Variants in RGS17 observed in about 807,000 individuals in gnomAD.
RGS17 encodes the protein regulator of G protein signaling 17.
In RGS17, 12 loss-of-function variants were observed where a neutral mutation model predicts 25.5. That is an observed-to-expected ratio of 0.47 (90% CI 0.30 to 0.76). The LOEUF (loss-of-function observed/expected upper bound fraction) is 0.76. Among genes scored for constraint, RGS17 ranks in the 30% least tolerant of loss-of-function variants. The pLI is 0.07. For missense variants in RGS17, 196 were observed against 242.2 expected, an observed-to-expected ratio of 0.81 and a Z score of 1.27; for synonymous variants, 71 against 76.9, an observed-to-expected ratio of 0.92 and a Z score of 0.40.
intron 1 of RGS17, among the ~76,000 whole-genome samples, chr6:153,088,648 G>T (rs930107625): frequency 6.6e-6 from 1 of 152,008 alleles, no homozygotes; most frequent in Non-Finnish European, 1.5e-5. Flanking sequence ...TCTTCAGCTT[G>T]TTGGCATCTC....
rs527343855 is a variant in RGS17 at position 153,122,632 on chromosome 6, TTTTG to T, written c.-26+8488_-26+8491del. On this transcript the variant is annotated intron_variant, in intron 1 of 4. Coordinates refer to ENST00000206262, the MANE Select transcript of RGS17 (RefSeq NM_012419.5). ...CAGAAGAAAATAAGACAGTAGGGTT[TTTTG>T]TTTGTTTGTTTTTTCCTGGCAGATA... Among the ~76,000 whole-genome samples, 44 of 152,128 alleles carry T rather than the reference TTTTG, an allele frequency of 2.9e-4. No individual in the cohort carries two copies. In the South Asian group the frequency reaches 7.7e-3, roughly 27 times the overall value.
At chr6:153,026,581 A>G (rs2129107186) in intron 2 of RGS17, 38 bp from the exon 3 acceptor site, 2 of 1,494,858 alleles carry the variant, frequency 1.3e-6, no homozygotes, top group Non-Finnish European at 1.9e-6. Flanking sequence ...GTCAAGGGAA[A>G]TTCAATCAGT....
chr6:153,128,109 A>G (rs1197527712), intron 1 of RGS17, among the ~76,000 whole-genome samples: 1 of 152,204 alleles, frequency 6.6e-6, no homozygotes, highest in Non-Finnish European at 1.5e-5. Context: ...GGCTACCTAT[A>G]GCAAAGGATT....
At chr6:153,062,204 C>T (rs750963297) in intron 1 of RGS17, among the ~76,000 whole-genome samples, 7 of 148,600 alleles carry the variant, frequency 4.7e-5, no homozygotes, top group Non-Finnish European at 4.4e-5. Flanking sequence ...GTTTTAATAT[C>T]ATGTCACTGA....
intron 1 of RGS17, among the ~76,000 whole-genome samples, chr6:153,051,776 A>C (rs924000293): frequency 1.3e-5 from 2 of 152,190 alleles, no homozygotes; most frequent in African/African-American, 4.8e-5. Flanking sequence ...ATTCTCAGCC[A>C]ATCCATATTG....
At chr6:153,104,774 G>C (rs1482485533) in intron 1 of RGS17, among the ~76,000 whole-genome samples, 1 of 150,100 alleles carries the variant, frequency 6.7e-6, no homozygotes, top group Non-Finnish European at 1.5e-5. Flanking sequence ...AGTGAGCAGA[G>C]ATCACGCCAC....
At chr6:153,043,876 C>T in intron 2 of RGS17, 24 bp downstream of exon 2, 1 of 1,479,022 alleles carries the variant, frequency 6.8e-7, no homozygotes, top group South Asian at 1.2e-5. Flanking sequence ...CTGGGTGTGG[C>T]ATCCTACAGG....
intron 1 of RGS17, among the ~76,000 whole-genome samples, chr6:153,062,445 C>T (rs1776653108): frequency 6.6e-6 from 1 of 152,166 alleles, no homozygotes; most frequent in African/African-American, 2.4e-5. Flanking sequence ...TATATTAGCC[C>T]TAGCTGGAGG....
chr6:153,059,023 GTGGTCACAGTC>G (rs1378016202), intron 1 of RGS17, among the ~76,000 whole-genome samples: 2 of 151,876 alleles, frequency 1.3e-5, no homozygotes, highest in African/African-American at 4.8e-5. Context: ...CTTACTCTGG[GTGGTCACAGTC>G]TGGCTCCATC....
chr6:153,060,848 A>G (rs1036967071), intron 1 of RGS17, among the ~76,000 whole-genome samples: 3 of 152,202 alleles, frequency 2.0e-5, no homozygotes, highest in Non-Finnish European at 4.4e-5. Flanking sequence ...TTCTGAACCC[A>G]GTATTTCATC....
chr6:153,075,733 A>G (rs571945195), intron 1 of RGS17, among the ~76,000 whole-genome samples: 1 of 152,328 alleles, frequency 6.6e-6, no homozygotes, highest in African/African-American at 2.4e-5. Flanking sequence ...ATCTCTATAA[A>G]CTGATATCGA....
intron 4 of RGS17, among the ~76,000 whole-genome samples, chr6:153,023,882 T>A (rs1779271379): frequency 6.6e-6 from 1 of 152,208 alleles, no homozygotes. Context: ...AAGAATTTGT[T>A]TTTTAAACAA....
At chr6:153,111,840 G>A (rs1238708121) in intron 1 of RGS17, among the ~76,000 whole-genome samples, 2 of 152,132 alleles carry the variant, frequency 1.3e-5, no homozygotes, top group Non-Finnish European at 2.9e-5. Flanking sequence ...AGCAGCAGGG[G>A]GGCCTGACTG....
intron 1 of RGS17, among the ~76,000 whole-genome samples, chr6:153,115,198 A>G (rs542640586): frequency 8.1e-4 from 124 of 152,338 alleles, no homozygotes; most frequent in Non-Finnish European, 1.5e-3. Context: ...TTTCAGCCCA[A>G]TATCTCCTTA....
At chr6:153,101,117 A>G (rs2129123403) in intron 1 of RGS17, among the ~76,000 whole-genome samples, 1 of 152,340 alleles carries the variant, frequency 6.6e-6, no homozygotes, top group Admixed American at 6.5e-5. Context: ...GAAAAATTTA[A>G]GTAATTTGTC....
intron 1 of RGS17, among the ~76,000 whole-genome samples, chr6:153,112,738 TA>T (rs928146888): frequency 8.6e-4 from 131 of 152,300 alleles, no homozygotes; most frequent in African/African-American, 2.8e-3. Flanking sequence ...GCAGAAACCC[TA>T]CAAGCCAGAA....
At chr6:153,122,947 G>A (rs1355245262) in intron 1 of RGS17, among the ~76,000 whole-genome samples, 4 of 151,270 alleles carry the variant, frequency 2.6e-5, no homozygotes, top group Non-Finnish European at 4.4e-5. Context: ...AATGTACATT[G>A]GAGTAAATTG....
In RGS17 at chr6:153,024,563, G is replaced by A. The variant is rs912951530; in HGVS notation, c.210-67C>T. On this transcript the variant is annotated intron_variant, in intron 3 of 4. Coordinates refer to ENST00000206262, the MANE Select transcript of RGS17 (RefSeq NM_012419.5). ...GACCAGTGAATGCTAGACCAGGTAA[G>A]GAGAGGAGCAGATAGAAATTCTATC... 6.9e-6 allele frequency: 8 copies of A among 1,154,052 alleles called. No homozygotes were observed. The African/African-American group carries it at 9.3e-5, about 13-fold the overall frequency. The allele number at this position is 1,154,052 out of a possible 1,614,324, so 71.5% of individuals were successfully genotyped here.
chr6:153,027,551 CACTT>C (rs776890066), intron 2 of RGS17, among the ~76,000 whole-genome samples: 59 of 152,266 alleles, frequency 3.9e-4, no homozygotes, highest in Non-Finnish European at 7.6e-4. Context: ...TTCCTTCTTT[CACTT>C]ACTTACTCAA....
Sources: allele counts gnomAD v4.1 joint callset (sites outside exome capture counted in the v4.1 genomes callset), GRCh38; gene constraint gnomAD v4.1.1; transcripts MANE v1.5; gene names NCBI Gene and HGNC (gene_info 2026-07-23, HGNC 2026-07-21).